The following NOM1 variants were observed in gnomAD, a reference collection of about 807,000 sequenced individuals.
NOM1 encodes nucleolar protein with MIF4G domain 1, also known as nucleolar MIF4G domain-containing protein 1.
A neutral mutation model predicts 73.3 loss-of-function variants in NOM1; 58 were observed. The ratio of observed to expected loss-of-function variants is 0.79; its 90% CI spans 0.64 to 0.99. The LOEUF (loss-of-function observed/expected upper bound fraction) is 0.99. Among genes scored for constraint, NOM1 ranks in the 50% least tolerant of loss-of-function variants. The pLI, the probability that NOM1 is intolerant of heterozygous loss-of-function variation, is 0.00. For missense variants in NOM1, 1,226 were observed against 1,131.9 expected, an observed-to-expected ratio of 1.08 and a Z score of -1.19; for synonymous variants, 487 against 446.8, an observed-to-expected ratio of 1.09 and a Z score of -1.14.
chr7:156,954,097 C>T lies in NOM1; in HGVS notation c.1113-6C>T. On this transcript the variant is annotated splice_region_variant and splice_polypyrimidine_tract_variant and intron_variant, in intron 2 of 10. Coordinates refer to ENST00000275820, the MANE Select transcript of NOM1 (RefSeq NM_138400.2). ...TGTTGCTCTCTGTCTTTACAATTCT[C>T]TGCAGGTTGAGTGAACCCAACATGG... 2 of 1,601,386 alleles carry T rather than the reference C, an allele frequency of 1.2e-6. No individual in the cohort carries two copies. The highest frequency in any genetic ancestry group is 1.1e-5 in the South Asian group (1 of 88,218).
chr7:156,956,582 T>C lies in NOM1; in HGVS notation c.1308+2284T>C, dbSNP rs113199022. Reference sequence around the variant, plus strand: ...CACATTTTTCCATGTCTAGCAGTAGTTGCATGGTGGCAGCTTTTTGAAAGG... The same window carrying C: ...CACATTTTTCCATGTCTAGCAGTAGCTGCATGGTGGCAGCTTTTTGAAAGG... On this transcript the variant is annotated intron_variant, in intron 3 of 10. Transcript: ENST00000275820. Among the ~76,000 whole-genome samples, 1,292 of 152,366 alleles carry C rather than the reference T, an allele frequency of 8.5e-3. 22 individuals are homozygous for C. The highest frequency in any genetic ancestry group is 0.029 in the African/African-American group (1,197 of 41,584).
At chr7:156,954,462 C>T (rs1159138601) in intron 3 of NOM1, among the ~76,000 whole-genome samples, 164 bp downstream of exon 3, 1 of 149,712 alleles carries the variant, frequency 6.7e-6, no homozygotes, top group Non-Finnish European at 1.5e-5. Context: ...TTGTAAAGAG[C>T]ATTCAGGAAG....
intron 6 of NOM1, 116 bp from the exon 7 acceptor site, chr7:156,963,788 TC>T: frequency 8.1e-7 from 1 of 1,228,714 alleles, no homozygotes; most frequent in Non-Finnish European, 1.1e-6. Context: ...CTTGGTGCCA[TC>T]CGCCCACGTA....
chr7:156,966,591 A>G (rs1328452405), intron 8 of NOM1, among the ~76,000 whole-genome samples, 189 bp downstream of exon 8: 1 of 152,174 alleles, frequency 6.6e-6, no homozygotes, highest in Non-Finnish European at 1.5e-5. Context: ...GGGAGTGTCA[A>G]GGGTCCACCA....
chr7:156,951,153 G>A (rs957025733), intron 1 of NOM1, among the ~76,000 whole-genome samples: 2 of 152,166 alleles, frequency 1.3e-5, no homozygotes, highest in African/African-American at 4.8e-5. Flanking sequence ...TTGAATTAAA[G>A]ATAAAGGCTG....
In NOM1 at chr7:156,954,522, C is replaced by CTTTTTTTTTT. The variant is rs34176770; in HGVS notation, c.1308+235_1308+244dup. 3.9e-4 allele frequency among the ~76,000 whole-genome samples: 40 copies of CTTTTTTTTTT among 101,640 alleles called. 4 individuals carry two copies. The highest frequency in any genetic ancestry group is 1.3e-3 in the African/African-American group (34 of 25,318). The allele number at this position is 101,640 out of a possible 152,430, so 66.7% of individuals were successfully genotyped here. On this transcript the variant is annotated intron_variant, in intron 3 of 10. Transcript: ENST00000275820. ...ACTTTGCTTTTTTGTTCTGTCCATT[C>CTTTTTTTTTT]TTTTTTTTTTTTTTTTTTTTGAGAC...
At chr7:156,952,156 G>T (rs114583857) in intron 1 of NOM1, among the ~76,000 whole-genome samples, 1 of 152,174 alleles carries the variant, frequency 6.6e-6, no homozygotes, top group East Asian at 1.9e-4. Context: ...GAGCAAAAGC[G>T]CAGTAGATAG....
intron 2 of NOM1, among the ~76,000 whole-genome samples, chr7:156,953,836 G>T (rs779190094): frequency 8.5e-5 from 13 of 152,204 alleles, no homozygotes; most frequent in Non-Finnish European, 1.9e-4. Flanking sequence ...GTATGTTTCT[G>T]TAGACTTAAT....
chr7:156,949,855 A>C lies in NOM1; in HGVS notation c.118A>C (p.Lys40Gln). The C allele has an allele frequency of 6.8e-7, 1 of 1,480,362 alleles. No individual in the cohort carries two copies. Among genetic ancestry groups the C allele is most frequent in the Non-Finnish European group, 9.0e-7 (1 of 1,115,124 alleles). 91.7% of individuals were successfully genotyped at this position (1,480,362 alleles called of 1,614,324 possible). A position where few individuals can be genotyped will look rare whatever the true frequency, so the allele number is the denominator to read the frequency against. Reference sequence around the variant, plus strand: ...CCGCGGTCCTGCTGGCGGTGGGGAGAAGGCCCTGAAGAGGCTGAAGCTAGC... The same window carrying C: ...CCGCGGTCCTGCTGGCGGTGGGGAGCAGGCCCTGAAGAGGCTGAAGCTAGC... Reference protein sequence around the residue: ...PRRGPAGGGEKALKRLKLAVE... With the variant: ...PRRGPAGGGEQALKRLKLAVE... The change falls in exon 1 of 11, where the codon AAG becomes CAG. Residue 40 changes from lysine to glutamine, a missense_variant. Physicochemically the swap from Lys to Gln is moderately conservative, Grantham distance 53 (BLOSUM62 1). Transcript: ENST00000275820.
intron 1 of NOM1, 45 bp downstream of exon 1, chr7:156,950,769 A>C: frequency 6.7e-7 from 1 of 1,495,956 alleles, no homozygotes; most frequent in South Asian, 1.3e-5. Flanking sequence ...TTCCTTCAAA[A>C]TAACGGGACA....
chr7:156,963,302 G>A (rs1244179162), intron 6 of NOM1, 127 bp downstream of exon 6: 1 of 914,570 alleles, frequency 1.1e-6, no homozygotes, highest in South Asian at 1.4e-5. Flanking sequence ...AGGTTTATCT[G>A]GAGGCCTTAC....
intron 3 of NOM1, among the ~76,000 whole-genome samples, chr7:156,956,087 G>A (rs1045533744): frequency 1.2e-4 from 19 of 152,148 alleles, no homozygotes; most frequent in Middle Eastern, 3.4e-3. Flanking sequence ...CAGCTACTCC[G>A]GAGACTGAGG....
intron 1 of NOM1, among the ~76,000 whole-genome samples, chr7:156,952,224 CAG>C (rs1419428025): frequency 1.3e-5 from 2 of 152,038 alleles, no homozygotes; most frequent in African/African-American, 2.4e-5. Context: ...AAGAGCTACA[CAG>C]GGGAAAACGA....
chr7:156,971,990 C>G lies in NOM1; in HGVS notation c.*2287C>G, dbSNP rs541311194. ...GAGCTTTTTAACAAGAGTGTCTTTGCTGGGTGGTGATTGGGATGTAACAGA... is the reference window on the plus strand; with the variant it reads ...GAGCTTTTTAACAAGAGTGTCTTTGGTGGGTGGTGATTGGGATGTAACAGA... On this transcript the variant is annotated 3_prime_UTR_variant, in exon 11 of 11. Transcript: ENST00000275820. 2.0e-5 allele frequency: 3 copies of G among 152,316 alleles called. No individual in the cohort carries two copies. The East Asian group carries it at 5.8e-4, about 29-fold the overall frequency. The allele number at this position is 152,316 out of a possible 1,614,324, so 9.4% of individuals were successfully genotyped here. A position where few individuals can be genotyped will look rare whatever the true frequency, so the allele number is the denominator to read the frequency against.
intron 6 of NOM1, 31 bp downstream of exon 6, chr7:156,963,206 C>T: frequency 1.2e-6 from 2 of 1,612,658 alleles, no homozygotes; most frequent in African/African-American, 1.3e-5. Flanking sequence ...GGCTGCCAGG[C>T]AGAGGCACCC....
At chr7:156,961,466 G>T (rs1020438466) in intron 4 of NOM1, among the ~76,000 whole-genome samples, 49 of 152,146 alleles carry the variant, frequency 3.2e-4, no homozygotes, top group Admixed American at 2.7e-3. Flanking sequence ...ACATTAGTGG[G>T]CTGGGGAGCT....
intron 9 of NOM1, chr7:156,968,849 G>A: frequency 2.2e-6 from 1 of 446,942 alleles, no homozygotes; most frequent in East Asian, 4.3e-5. Context: ...ACACTGCTGA[G>A]TTGTTCTCAA....
At chr7:156,969,335 A>T in intron 10 of NOM1, 139 bp downstream of exon 10, 1 of 712,464 alleles carries the variant, frequency 1.4e-6, no homozygotes, top group Non-Finnish European at 2.3e-6. Flanking sequence ...GGTATGCATT[A>T]GATCTGGGGA....
chr7:156,966,425 G>C lies in NOM1; in HGVS notation c.2166+23G>C, dbSNP rs1470906665. On this transcript the variant is annotated intron_variant, in intron 8 of 10. Coordinates refer to ENST00000275820, the MANE Select transcript of NOM1 (RefSeq NM_138400.2). ...CAGGTAGCTTAGTGCGGAGGCACCA[G>C]TTACGTCCGCTCTACTATTTTTTCT... The C allele has an allele frequency of 3.1e-6, 5 of 1,613,366 alleles. No individual in the cohort carries two copies. In the South Asian group the frequency reaches 4.4e-5, roughly 14 times the overall value.
Sources: gnomAD v4.1 joint callset for allele counts (sites outside exome capture counted in the v4.1 genomes callset) on GRCh38, gnomAD v4.1.1 for gene constraint, MANE v1.5 for transcripts, NCBI Gene and HGNC (gene_info 2026-07-23, HGNC 2026-07-21) for gene names.